Variants in NCKAP5 observed in about 807,000 individuals in gnomAD.
NCKAP5 encodes the protein NCK associated protein 5.
Under a neutral mutation model 167.0 loss-of-function variants are expected in NCKAP5, and 92 were observed. The ratio of observed to expected loss-of-function variants is 0.55; its 90% CI spans 0.47 to 0.66. The LOEUF is 0.66. Among genes scored for constraint, NCKAP5 ranks in the 30% least tolerant of loss-of-function variants. NCKAP5 has a pLI of 0.00. For missense variants in NCKAP5, 2,378 were observed against 2,315.0 expected, an observed-to-expected ratio of 1.03 and a Z score of -0.56; for synonymous variants, 891 against 877.4, an observed-to-expected ratio of 1.02 and a Z score of -0.27.
intron 16 of NCKAP5, among the ~76,000 whole-genome samples, chr2:132,733,783 G>A (rs1691247144): frequency 6.6e-6 from 1 of 152,172 alleles, no homozygotes; most frequent in South Asian, 2.1e-4. Context: ...AGAAGTCTGG[G>A]AATTTCCTAA....
chr2:132,768,093 G>T (rs1681679115), intron 16 of NCKAP5, among the ~76,000 whole-genome samples: 1 of 152,182 alleles, frequency 6.6e-6, no homozygotes, highest in Admixed American at 6.5e-5. Context: ...TGTGGCCTAT[G>T]CCCTTTAGAC....
In NCKAP5 at chr2:132,799,487, A is replaced by G. The variant is rs572842043; in HGVS notation, c.808-2758T>C. Among the ~76,000 whole-genome samples the G allele has an allele frequency of 2.0e-5, 3 of 152,318 alleles. No individual in the cohort carries two copies. The South Asian group carries it at 6.2e-4, about 32-fold the overall frequency. ...TCAGTAAGTGTAAATTTTCAGAAAA[A>G]AGAAAGACAGAAGTGGCTATTTAAT... On this transcript the variant is annotated intron_variant, in intron 11 of 19. Coordinates refer to ENST00000409261, the MANE Select transcript of NCKAP5 (RefSeq NM_207363.3).
At chr2:133,359,903 T>C (rs917799101) in intron 3 of NCKAP5, among the ~76,000 whole-genome samples, 9 of 152,224 alleles carry the variant, frequency 5.9e-5, no homozygotes, top group Non-Finnish European at 8.8e-5. Context: ...AATTCTTCAA[T>C]TATACAGACT....
chr2:133,172,564 C>T (rs188010796), intron 5 of NCKAP5, among the ~76,000 whole-genome samples: 226 of 152,306 alleles, frequency 1.5e-3, no homozygotes, highest in African/African-American at 5.2e-3. Context: ...CTCCGCCTCC[C>T]AAGTTCAAGC....
At chr2:133,440,867 T>G (rs1574960461) in intron 3 of NCKAP5, among the ~76,000 whole-genome samples, 1 of 152,164 alleles carries the variant, frequency 6.6e-6, no homozygotes, top group East Asian at 1.9e-4. Context: ...TGAATACATA[T>G]AAATCCCCTT....
intron 6 of NCKAP5, among the ~76,000 whole-genome samples, chr2:133,005,582 T>C (rs1452321523): frequency 1.3e-5 from 2 of 152,216 alleles, no homozygotes; most frequent in African/African-American, 2.4e-5. Context: ...TTTTATTTTC[T>C]TGAGTAATCT....
At position 133,532,896 on chromosome 2, in the gene NCKAP5, T is replaced by C. The variant is rs758860198; in HGVS notation, c.-61-15309A>G. 6.6e-5 allele frequency among the ~76,000 whole-genome samples: 10 copies of C among 152,342 alleles called. No individual in the cohort carries two copies. In the South Asian group the frequency reaches 2.1e-3, roughly 32 times the overall value. On this transcript the variant is annotated intron_variant, in intron 2 of 19. Coordinates refer to ENST00000409261, the MANE Select transcript of NCKAP5 (RefSeq NM_207363.3). ...TCCCAAGAACCAATGCTCACCTTCATTGAGAATGTTTCTAAGATCCAAAAT... is the reference window on the plus strand; with the variant it reads ...TCCCAAGAACCAATGCTCACCTTCACTGAGAATGTTTCTAAGATCCAAAAT...
At chr2:133,247,622 C>G (rs1336011234) in intron 4 of NCKAP5, among the ~76,000 whole-genome samples, 1 of 152,144 alleles carries the variant, frequency 6.6e-6, no homozygotes, top group Admixed American at 6.5e-5. Context: ...TAGTTAAAGA[C>G]CCACTTAAAA....
chr2:133,107,990 A>C (rs2081771151), intron 6 of NCKAP5, among the ~76,000 whole-genome samples: 1 of 152,200 alleles, frequency 6.6e-6, no homozygotes, highest in Non-Finnish European at 1.5e-5. Context: ...ATATAGTTGT[A>C]TTACTTACAG....
At chr2:133,174,529 G>A (rs1265227156) in intron 5 of NCKAP5, among the ~76,000 whole-genome samples, 1 of 151,932 alleles carries the variant, frequency 6.6e-6, no homozygotes, top group Non-Finnish European at 1.5e-5. Context: ...TATTCTACAG[G>A]CTAAAATCCA....
intron 7 of NCKAP5, among the ~76,000 whole-genome samples, chr2:132,977,765 C>T (rs769695191): frequency 6.6e-6 from 1 of 152,202 alleles, no homozygotes; most frequent in Non-Finnish European, 1.5e-5. Flanking sequence ...TCTTCTAGTA[C>T]CTGCTGTCTC....
intron 6 of NCKAP5, among the ~76,000 whole-genome samples, chr2:133,061,934 C>G (rs910933711): frequency 1.3e-5 from 2 of 152,096 alleles, no homozygotes; most frequent in Non-Finnish European, 2.9e-5. Context: ...GTGCAACATG[C>G]CCACATTTTT....
the NCKAP5 span, among the ~76,000 whole-genome samples, chr2:133,662,819 A>G: frequency 6.6e-6 from 1 of 151,548 alleles, no homozygotes; most frequent in African/African-American, 2.4e-5. Context: ...CCACTGCAGT[A>G]AACCGAATTT....
intron 9 of NCKAP5, among the ~76,000 whole-genome samples, chr2:132,873,806 A>C (rs888576712): frequency 6.6e-6 from 1 of 152,252 alleles, no homozygotes; most frequent in Non-Finnish European, 1.5e-5. Context: ...TAACTGAAGA[A>C]ATTAGTGTAA....
chr2:133,602,044 C>T, the NCKAP5 span, among the ~76,000 whole-genome samples: 52,861 of 152,056 alleles, frequency 0.35, 10,826 homozygotes, highest in Middle Eastern at 0.54. Flanking sequence ...TTGGAGACCA[C>T]GTTTTGAGGG....
chr2:133,084,649 A>C (rs2149605334), intron 6 of NCKAP5, among the ~76,000 whole-genome samples: 1 of 152,288 alleles, frequency 6.6e-6, no homozygotes, highest in South Asian at 2.1e-4. Context: ...TGGTTCCAAA[A>C]GTTCAGTCTC....
At chr2:133,123,018 C>G (rs1372548147) in intron 6 of NCKAP5, 1 of 152,118 alleles carries the variant, frequency 6.6e-6, no homozygotes, top group African/African-American at 2.4e-5. Flanking sequence ...ACACTGACAC[C>G]AGGTCCTGGA....
chr2:132,782,889 T>G lies in NCKAP5; in HGVS notation c.3922A>C (p.Arg1308=), dbSNP rs1189086614. The G allele has an allele frequency of 6.2e-7, 1 of 1,613,706 alleles. No homozygotes were observed. The highest frequency in any genetic ancestry group is 1.3e-5 in the African/African-American group (1 of 74,872). Residue 1308 remains arginine (R), a synonymous_variant, in exon 14 of 20, where the codon AGA becomes CGA. Transcript: ENST00000409261. ...TTCTGCCGGGTAAGAGAATTGCCTC[T>G]CTCGGCGGTATTGGTAATGATCTGA... ...RTQIITNTAE[R]GNSLTRQNSS... is the part of the protein sequence containing the mutation.
chr2:133,649,760 G>C, the NCKAP5 span, among the ~76,000 whole-genome samples: 1 of 152,108 alleles, frequency 6.6e-6, no homozygotes, highest in Non-Finnish European at 1.5e-5. Flanking sequence ...GAACATGTGT[G>C]AAAAGCCCAT....
Sources: allele counts gnomAD v4.1 joint callset (sites outside exome capture counted in the v4.1 genomes callset), GRCh38; gene constraint gnomAD v4.1.1; transcripts MANE v1.5; gene names NCBI Gene and HGNC (gene_info 2026-07-23, HGNC 2026-07-21).